ZNF566: variants seen among roughly 807,000 people sequenced by gnomAD.
ZNF566 encodes the protein zinc finger protein 566.
In ZNF566, 27 loss-of-function variants were observed where a neutral mutation model predicts 32.8. The ratio of observed to expected loss-of-function variants is 0.82; its 90% confidence interval spans 0.61 to 1.14. ZNF566 has a LOEUF of 1.14. Among genes scored for constraint, ZNF566 ranks in the 50% most tolerant of loss-of-function variants. ZNF566 has a pLI of 0.00. For synonymous variants in ZNF566, 154 were observed against 159.5 expected, an observed-to-expected ratio of 0.97 and a Z score of 0.26; for missense variants, 402 against 490.4, an observed-to-expected ratio of 0.82 and a Z score of 1.70.
chr19:36,481,119 G>A (rs1052216261), intron 1 of ZNF566, among the ~76,000 whole-genome samples: 18 of 151,996 alleles, frequency 1.2e-4, no homozygotes, highest in Admixed American at 3.9e-4. Context: ...ACATAAACAG[G>A]CAATCTTTTA....
intron 4 of ZNF566, among the ~76,000 whole-genome samples, chr19:36,468,914 CA>C (rs892548959): frequency 1.4e-4 from 20 of 141,422 alleles, no homozygotes; most frequent in East Asian, 6.1e-4. Flanking sequence ...GACCCTGTTT[CA>C]AAAAAAAAAG....
intron 4 of ZNF566, 103 bp downstream of exon 4, chr19:36,472,808 C>T (rs2033798054): frequency 3.4e-6 from 3 of 891,038 alleles, no homozygotes; most frequent in South Asian, 1.7e-5. Context: ...CTTACATTTG[C>T]ACAACAGGCC....
intron 4 of ZNF566, among the ~76,000 whole-genome samples, chr19:36,468,822 G>A (rs1045405194): frequency 1.3e-5 from 2 of 151,492 alleles, no homozygotes; most frequent in African/African-American, 4.9e-5. Context: ...GCTGAGGTGG[G>A]GGGATCACGT....
intron 1 of ZNF566, among the ~76,000 whole-genome samples, chr19:36,479,683 G>A (rs893113129): frequency 6.6e-5 from 10 of 152,094 alleles, no homozygotes; most frequent in Non-Finnish European, 8.8e-5. Context: ...TACCCAGGTC[G>A]GAGTGCCGTG....
intron 1 of ZNF566, 35 bp from the exon 2 acceptor site, chr19:36,476,651 C>CT: frequency 6.4e-7 from 1 of 1,551,526 alleles, no homozygotes; most frequent in Non-Finnish European, 8.8e-7. Context: ...TAAGACCCCA[C>CT]TTTCCTCACA....
chr19:36,462,216 G>A (rs998115828), intron 4 of ZNF566, among the ~76,000 whole-genome samples: 7 of 151,950 alleles, frequency 4.6e-5, no homozygotes, highest in Non-Finnish European at 7.4e-5. Flanking sequence ...TTGAACTCCC[G>A]ACTTCAGGTG....
chr19:36,462,990 A>AAAAAAAAAC (rs2033514622), intron 4 of ZNF566, among the ~76,000 whole-genome samples: 1 of 137,036 alleles, frequency 7.3e-6, no homozygotes, highest in Non-Finnish European at 1.6e-5. Context: ...AAAAAAAAAA[A>AAAAAAAAAC]TCCCATTTCC....
At chr19:36,465,952 T>C (rs2033601639) in intron 4 of ZNF566, among the ~76,000 whole-genome samples, 1 of 146,846 alleles carries the variant, frequency 6.8e-6, no homozygotes, top group Admixed American at 6.7e-5. Context: ...AGATAAAGAG[T>C]AAGAAACACA....
At chr19:36,470,477 T>C (rs1472158471) in intron 4 of ZNF566, among the ~76,000 whole-genome samples, 2 of 152,146 alleles carry the variant, frequency 1.3e-5, no homozygotes, top group Non-Finnish European at 2.9e-5. Context: ...ACCGCTTCCT[T>C]CCACTGCCAC....
chr19:36,487,019 G>A (rs1338077630), intron 1 of ZNF566, among the ~76,000 whole-genome samples: 11 of 149,574 alleles, frequency 7.4e-5, no homozygotes, highest in East Asian at 3.9e-4. Flanking sequence ...GAACCCGGGA[G>A]GCGGAGCTTG....
intron 4 of ZNF566, among the ~76,000 whole-genome samples, chr19:36,471,076 T>C (rs1476216550): frequency 1.3e-5 from 2 of 151,340 alleles, no homozygotes; most frequent in Non-Finnish European, 2.9e-5. Context: ...TAGCCGGGCA[T>C]GGTGGCACGC....
At chr19:36,463,264 C>T (rs943296756) in intron 4 of ZNF566, among the ~76,000 whole-genome samples, 4 of 152,070 alleles carry the variant, frequency 2.6e-5, no homozygotes, top group African/African-American at 9.7e-5. Flanking sequence ...GGGTTCACCA[C>T]TACACTCCAG....
rs1177737969 is a variant in ZNF566 at position 36,465,338 on chromosome 19, G to GTA, written c.232+7571_232+7572dup. 3.3e-5 allele frequency among the ~76,000 whole-genome samples: 5 copies of GTA among 152,098 alleles called. No homozygotes were observed. The East Asian group carries it at 7.7e-4, about 23-fold the overall frequency. On this transcript the variant is annotated intron_variant, in intron 4 of 4. Coordinates refer to ENST00000452939, the MANE Select transcript of ZNF566 (RefSeq NM_001145344.1). ...TCACCTTGCAAAGCTGAGTAAGTACGTACACCAAGATCCTGCAATGGTATT... is the reference window on the plus strand; with the variant it reads ...TCACCTTGCAAAGCTGAGTAAGTACGTATACACCAAGATCCTGCAATGGTATT...
chr19:36,448,898 A>G lies in ZNF566; in HGVS notation c.*79T>C. ...AAAATGTTTCTACATTATTCTATCT[A>G]GAGGAATTATTAACAAGATAAATTC... On this transcript the variant is annotated 3_prime_UTR_variant, in exon 5 of 5. Coordinates refer to ENST00000452939, the MANE Select transcript of ZNF566 (RefSeq NM_001145344.1). 1.7e-6 allele frequency: 2 copies of G among 1,197,642 alleles called. No homozygotes were observed. The highest frequency in any genetic ancestry group is 5.7e-5 in the Admixed American group (2 of 35,104). 74.2% of individuals were successfully genotyped at this position (1,197,642 alleles called of 1,614,324 possible).
chr19:36,459,911 T>A (rs538197540), intron 4 of ZNF566, among the ~76,000 whole-genome samples: 1 of 151,260 alleles, frequency 6.6e-6, no homozygotes, highest in South Asian at 2.1e-4. Flanking sequence ...TTCCACCTCC[T>A]GGGTTCAAGA....
intron 4 of ZNF566, among the ~76,000 whole-genome samples, chr19:36,451,849 T>C (rs555378147): frequency 6.6e-6 from 1 of 151,932 alleles, no homozygotes; most frequent in South Asian, 2.1e-4. Context: ...CTACTAAAAA[T>C]ACAAAAATTA....
intron 4 of ZNF566, among the ~76,000 whole-genome samples, chr19:36,454,379 C>A (rs1310677808): frequency 3.9e-5 from 6 of 151,952 alleles, no homozygotes; most frequent in Non-Finnish European, 1.5e-5. Context: ...GAGATAGGAA[C>A]AAAGACACTA....
intron 1 of ZNF566, among the ~76,000 whole-genome samples, chr19:36,479,943 A>T (rs1483485897): frequency 6.6e-6 from 1 of 152,082 alleles, no homozygotes; most frequent in Non-Finnish European, 1.5e-5. Flanking sequence ...GCAATCCTCC[A>T]GCCTTGGACT....
intron 4 of ZNF566, among the ~76,000 whole-genome samples, chr19:36,470,717 C>A (rs1452537420): frequency 6.6e-6 from 1 of 151,960 alleles, no homozygotes; most frequent in Non-Finnish European, 1.5e-5. Context: ...TCGAGACCAG[C>A]CTGGCCAACA....
Sources: allele counts gnomAD v4.1 joint callset (sites outside exome capture counted in the v4.1 genomes callset), GRCh38; gene constraint gnomAD v4.1.1; transcripts MANE v1.5; gene names NCBI Gene and HGNC (gene_info 2026-07-23, HGNC 2026-07-21).